The following NPHP4 variants were observed in gnomAD, a reference collection of about 807,000 sequenced individuals.
The protein encoded by NPHP4 is nephrocystin 4.
NPHP4 carries 151 observed loss-of-function variants against 155.8 expected under a neutral mutation model. The observed-to-expected ratio is 0.97, with a 90% CI of 0.85 to 1.11. The LOEUF is 1.11. Among genes scored for constraint, NPHP4 ranks in the 50% least tolerant of loss-of-function variants. The pLI, the probability that NPHP4 is intolerant of heterozygous loss-of-function variation, is 0.00. For missense variants in NPHP4, 1,956 were observed against 1,925.7 expected (o/e 1.02, Z -0.29); for synonymous variants, 845 against 816.8 (o/e 1.03, Z -0.59).
At position 5,936,003 on chromosome 1, in the gene NPHP4, A is replaced by C. The variant is rs1646518548; in HGVS notation, c.1120-2674T>G. On this transcript the variant is annotated intron_variant, in intron 9 of 29. Coordinates refer to ENST00000378156, the MANE Select transcript of NPHP4 (RefSeq NM_015102.5). The stretch of plus-strand genomic sequence containing the variant: ...TACAGAAGTGTATTATTACAGGATC[A>C]AAAACAAAATAAAGTAAAATATGTA... 1.3e-5 allele frequency among the ~76,000 whole-genome samples: 2 copies of C among 152,256 alleles called. 1 individual carries two copies. The highest frequency in any genetic ancestry group is 4.1e-4 in the South Asian group (2 of 4,838).
chr1:5,947,552 G>A (rs898038557), intron 8 of NPHP4, among the ~76,000 whole-genome samples: 1 of 152,230 alleles, frequency 6.6e-6, no homozygotes, highest in Admixed American at 6.5e-5. Flanking sequence ...CTGCAGGCCT[G>A]ATACGGCCAA....
At chr1:5,982,783 T>C (rs1241145018) in intron 2 of NPHP4, among the ~76,000 whole-genome samples, 1 of 152,248 alleles carries the variant, frequency 6.6e-6, no homozygotes, top group Admixed American at 6.5e-5. Flanking sequence ...AATTTCCCTA[T>C]TAATTCTTCT....
intron 6 of NPHP4, among the ~76,000 whole-genome samples, chr1:5,959,444 C>T (rs1649892513): frequency 6.6e-6 from 1 of 152,188 alleles, no homozygotes. Context: ...CAGCTTGACA[C>T]AAGACACTAG....
intron 18 of NPHP4, 27 bp downstream of exon 18, chr1:5,887,259 A>C: frequency 6.3e-7 from 1 of 1,597,906 alleles, no homozygotes; most frequent in Non-Finnish European, 8.5e-7. Context: ...GCCGCTGGAG[A>C]AATGGCACAA....
Position 5,867,167 on chromosome 1 carries a change from TGGA to T in NPHP4, c.3473-55_3473-53del. 2 of 1,387,550 alleles carry T rather than the reference TGGA, an allele frequency of 1.4e-6. No homozygotes were observed. The highest frequency in any genetic ancestry group is 2.0e-6 in the Non-Finnish European group (2 of 993,260). 86.0% of individuals were successfully genotyped at this position (1,387,550 alleles called of 1,614,324 possible). Reference sequence around the variant, plus strand: ...GTCTTCTCCACAGCCCCAGCCTGTGTGGAGAAGGCCCCACACATTACACACTAT... The same window carrying T: ...GTCTTCTCCACAGCCCCAGCCTGTGTGAAGGCCCCACACATTACACACTAT... On this transcript the variant is annotated intron_variant, in intron 24 of 29. Transcript: ENST00000378156. The surrounding 1 kb of genome is among the most constrained non-coding windows in gnomAD (Gnocchi z 4.1).
chr1:5,946,167 G>C (rs918334815), intron 9 of NPHP4, among the ~76,000 whole-genome samples: 2 of 152,152 alleles, frequency 1.3e-5, no homozygotes, highest in Non-Finnish European at 2.9e-5. Context: ...GCCCCCACTG[G>C]GGTCTTGGAA....
chr1:5,873,513 A>G (rs571429465), intron 22 of NPHP4, 178 bp from the exon 23 acceptor site: 12 of 634,926 alleles, frequency 1.9e-5, no homozygotes, highest in South Asian at 1.8e-4. Flanking sequence ...TGAGGCTGCC[A>G]GGAACAAAGG....
chr1:5,916,275 C>G (rs1302881458), intron 11 of NPHP4, among the ~76,000 whole-genome samples: 1 of 152,108 alleles, frequency 6.6e-6, no homozygotes. Context: ...AACCGAGAGC[C>G]AAAGTACCTC....
intron 11 of NPHP4, among the ~76,000 whole-genome samples, chr1:5,919,021 G>A (rs1047719339): frequency 2.6e-5 from 4 of 152,188 alleles, no homozygotes; most frequent in Admixed American, 6.5e-5. Context: ...TCCACAGGTC[G>A]ATTCAGCTAA....
intron 6 of NPHP4, among the ~76,000 whole-genome samples, chr1:5,958,002 T>C (rs544207694): frequency 6.6e-6 from 1 of 152,378 alleles, no homozygotes; most frequent in East Asian, 1.9e-4. Flanking sequence ...TCACAGTGTC[T>C]ACTCAATAAA....
chr1:5,936,048 T>C (rs1557775143), intron 9 of NPHP4, among the ~76,000 whole-genome samples: 1 of 152,228 alleles, frequency 6.6e-6, no homozygotes, highest in Non-Finnish European at 1.5e-5. Flanking sequence ...TCATGCTATC[T>C]ATACAACTTC....
chr1:5,940,381 T>A (rs931190067), intron 9 of NPHP4, among the ~76,000 whole-genome samples: 5 of 152,158 alleles, frequency 3.3e-5, no homozygotes, highest in African/African-American at 1.2e-4. Flanking sequence ...GAACCATGCA[T>A]GAGCCAATAA....
intron 9 of NPHP4, among the ~76,000 whole-genome samples, chr1:5,939,569 A>G (rs1343482288): frequency 6.6e-6 from 1 of 152,022 alleles, no homozygotes. Context: ...CCCCAGCTCC[A>G]CTTCCCTCCC....
At chr1:5,884,500 A>G (rs1257071360) in intron 18 of NPHP4, among the ~76,000 whole-genome samples, 9 of 122,976 alleles carry the variant, frequency 7.3e-5, no homozygotes, top group East Asian at 2.7e-4. Context: ...CCTACTCCAC[A>G]ACCAAGATCA....
At chr1:5,938,481 G>A (rs1235640984) in intron 9 of NPHP4, among the ~76,000 whole-genome samples, 2 of 152,182 alleles carry the variant, frequency 1.3e-5, no homozygotes, top group African/African-American at 4.8e-5. Context: ...CCTCAAATCG[G>A]ATCCAGTACA....
chr1:5,891,605 A>T (rs950274403), intron 16 of NPHP4, among the ~76,000 whole-genome samples: 1 of 152,258 alleles, frequency 6.6e-6, no homozygotes, highest in Non-Finnish European at 1.5e-5. Flanking sequence ...TCTTGAAGTG[A>T]CATTATCATT....
chr1:5,878,154 C>T (rs1642815547), intron 19 of NPHP4, among the ~76,000 whole-genome samples: 1 of 152,218 alleles, frequency 6.6e-6, no homozygotes, highest in South Asian at 2.1e-4. Flanking sequence ...AAACTTCCCA[C>T]AGGAAACCAA....
rs758798813 is a variant in NPHP4 at position 5,961,862 on chromosome 1, A to G, written c.605T>C (p.Leu202Pro). The G allele has an allele frequency of 6.2e-7, 1 of 1,613,850 alleles. No individual in the cohort carries two copies. Among genetic ancestry groups the G allele is most frequent in the East Asian group, 2.2e-5 (1 of 44,888 alleles). ...ACCAGACACCAGAAGGTTCTCAGGA[A>G]GAAGGTGGAACGCAGGCTCCAGGGC... ...HPALEPAFHL[L>P]PENLLVSGLQ... The change falls in exon 6 of 30, where the codon CTT (leucine) becomes CCT (proline). Residue 202 changes from leucine to proline, a missense_variant. Leu to Pro is a moderately conservative substitution (Grantham distance 98). Transcript: ENST00000378156.
intron 1 of NPHP4, among the ~76,000 whole-genome samples, chr1:5,990,806 A>G (rs1656134496): frequency 6.6e-6 from 1 of 152,230 alleles, no homozygotes; most frequent in Admixed American, 6.5e-5. Context: ...TCTCCTCTTT[A>G]ACTTCAGGAC....
Sources: gnomAD v4.1 joint callset for allele counts (sites outside exome capture counted in the v4.1 genomes callset) on GRCh38, gnomAD v4.1.1 for gene constraint, Gnocchi (gnomAD v3.1) non-coding constraint, MANE v1.5 for transcripts, NCBI Gene and HGNC (gene_info 2026-07-23, HGNC 2026-07-21) for gene names.